OXR1: variants seen among roughly 807,000 people sequenced by gnomAD.
OXR1 encodes the protein oxidation resistance 1, also known as oxidation resistance protein 1.
In OXR1, 41 loss-of-function variants were observed where a neutral mutation model predicts 104.6. The ratio of observed to expected loss-of-function variants is 0.39; its 90% CI spans 0.31 to 0.51. The LOEUF (loss-of-function observed/expected upper bound fraction) is 0.51, where lower values mean the gene tolerates loss of function less well. Ranked by LOEUF, OXR1 falls within the 20% of genes least tolerant of loss-of-function variation. The probability of loss-of-function intolerance (pLI) is 0.77; values close to 1 mark genes in which losing one functional copy is unlikely to be tolerated. For synonymous variants in OXR1, 348 were observed against 348.4 expected (o/e 1.00, Z 0.01); for missense variants, 955 against 1,031.9 (o/e 0.93, Z 1.02).
intron 3 of OXR1, among the ~76,000 whole-genome samples, chr8:106,531,671 G>A (rs1048447708): frequency 1.7e-4 from 26 of 152,138 alleles, no homozygotes; most frequent in South Asian, 6.2e-4. Context: ...GATAGATTCC[G>A]TTTTGAAGTC....
At position 106,703,049 on chromosome 8, in the gene OXR1, C is replaced by T. The variant is rs754843877; in HGVS notation, c.819C>T (p.Tyr273=). 1.9e-6 allele frequency: 3 copies of T among 1,613,452 alleles called. No homozygotes were observed. Among genetic ancestry groups the T allele is most frequent in the Non-Finnish European group, 2.5e-6 (3 of 1,179,608 alleles). The part of the protein sequence containing the change: ...PMEEVMSAAM[Y]KEILDSKIKE... ...AAGAGGTGATGTCAGCTGCAATGTA[C>T]AAAGAAATTTTGGATAGCAAAATAA... Residue 273 remains tyrosine (Y), a synonymous_variant, in exon 8 of 17, where the codon TAC becomes TAT. Coordinates refer to ENST00000517566, the MANE Select transcript of OXR1 (RefSeq NM_001198533.2).
At chr8:106,509,757 C>G (rs1812398539) in intron 2 of OXR1, among the ~76,000 whole-genome samples, 1 of 152,068 alleles carries the variant, frequency 6.6e-6, no homozygotes, top group Non-Finnish European at 1.5e-5. Flanking sequence ...TTTCTTTTAT[C>G]TAAGCTCCAA....
intron 3 of OXR1, among the ~76,000 whole-genome samples, chr8:106,650,028 C>A (rs183584775): frequency 6.6e-6 from 1 of 152,236 alleles, no homozygotes; most frequent in African/African-American, 2.4e-5. Context: ...CACTAAATAA[C>A]AACATAATGA....
chr8:106,444,890 T>C (rs1819949185), intron 2 of OXR1, among the ~76,000 whole-genome samples: 1 of 152,230 alleles, frequency 6.6e-6, no homozygotes, highest in East Asian at 1.9e-4. Flanking sequence ...CACACACACA[T>C]ACCCCCCATA....
chr8:106,438,933 C>T (rs1262639134), intron 2 of OXR1, among the ~76,000 whole-genome samples: 1 of 152,034 alleles, frequency 6.6e-6, no homozygotes, highest in Non-Finnish European at 1.5e-5. Flanking sequence ...AGATGCATCC[C>T]CATTGCTGTT....
chr8:106,495,728 T>C (rs534637578), intron 2 of OXR1, among the ~76,000 whole-genome samples: 3 of 152,172 alleles, frequency 2.0e-5, no homozygotes, highest in Non-Finnish European at 2.9e-5. Context: ...ATTAATCCTT[T>C]CTGCACCACA....
chr8:106,289,563 A>T (rs1213827186), intron 1 of OXR1, among the ~76,000 whole-genome samples: 1 of 152,242 alleles, frequency 6.6e-6, no homozygotes, highest in African/African-American at 2.4e-5. Context: ...GGAAGAATCA[A>T]TTTCATTAAA....
intron 1 of OXR1, among the ~76,000 whole-genome samples, chr8:106,321,092 A>G (rs952510892): frequency 1.4e-4 from 22 of 152,214 alleles, no homozygotes; most frequent in Admixed American, 7.2e-4. Context: ...ACAAGAGCAA[A>G]TGTTTTTCAA....
rs546045880 is a variant in OXR1 at position 106,474,112 on chromosome 8, C to T, written c.24-44831C>T. ...CTTAGGACTGACAATATGTGGACTA[C>T]GTAATCTAAAGTTTTGTTTTTTTTT... On this transcript the variant is annotated intron_variant, in intron 2 of 16. Transcript: ENST00000517566. Among the ~76,000 whole-genome samples, 50 of 148,682 alleles carry T rather than the reference C, an allele frequency of 3.4e-4. No homozygotes were observed. The South Asian group carries it at 4.6e-3, about 14-fold the overall frequency.
At chr8:106,338,389 C>G (rs1243589528) in intron 1 of OXR1, among the ~76,000 whole-genome samples, 4 of 151,894 alleles carry the variant, frequency 2.6e-5, no homozygotes, top group African/African-American at 9.7e-5. Context: ...ATGGTGAAAC[C>G]TAGTCTCTAC....
At chr8:106,496,122 G>C (rs1811396379) in intron 2 of OXR1, among the ~76,000 whole-genome samples, 1 of 152,178 alleles carries the variant, frequency 6.6e-6, no homozygotes, top group South Asian at 2.1e-4. Flanking sequence ...AGAAGGGCTT[G>C]TACATCACTT....
At chr8:106,461,259 C>G (rs1820897895) in intron 2 of OXR1, among the ~76,000 whole-genome samples, 1 of 152,068 alleles carries the variant, frequency 6.6e-6, no homozygotes, top group African/African-American at 2.4e-5. Context: ...CTTAGATGTA[C>G]TTAAATATAA....
intron 1 of OXR1, among the ~76,000 whole-genome samples, chr8:106,348,618 A>G (rs991347327): frequency 6.6e-6 from 1 of 152,218 alleles, no homozygotes. Context: ...TTATAAAAAC[A>G]TTGATAAATA....
chr8:106,642,767 G>A (rs984869163), intron 3 of OXR1, among the ~76,000 whole-genome samples: 27 of 152,186 alleles, frequency 1.8e-4, no homozygotes, highest in African/African-American at 6.3e-4. Flanking sequence ...CGAATAGCCC[G>A]AATTTTTAAA....
At chr8:106,745,439 G>T (rs1233039292) in intron 15 of OXR1, among the ~76,000 whole-genome samples, 1 of 152,002 alleles carries the variant, frequency 6.6e-6, no homozygotes. Context: ...AAAAGTTAAT[G>T]GCATTTGTGT....
chr8:106,441,207 C>T (rs958181733), intron 2 of OXR1, among the ~76,000 whole-genome samples: 2 of 151,880 alleles, frequency 1.3e-5, no homozygotes, highest in African/African-American at 2.4e-5. Context: ...TCAGGTTTGT[C>T]GAAGATCAGA....
chr8:106,555,374 G>A (rs187299834), intron 3 of OXR1, among the ~76,000 whole-genome samples: 7 of 152,248 alleles, frequency 4.6e-5, no homozygotes, highest in Admixed American at 4.6e-4. Flanking sequence ...TCAATATTCA[G>A]GGAGGATAGT....
At chr8:106,546,199 G>C (rs545146304) in intron 3 of OXR1, among the ~76,000 whole-genome samples, 1 of 152,046 alleles carries the variant, frequency 6.6e-6, no homozygotes, top group South Asian at 2.1e-4. Flanking sequence ...GAGTCATTTC[G>C]TGCTTTACCC....
chr8:106,329,628 T>G (rs1242835053), intron 1 of OXR1, among the ~76,000 whole-genome samples: 1 of 152,226 alleles, frequency 6.6e-6, no homozygotes, highest in Non-Finnish European at 1.5e-5. Context: ...ATCACAGGCG[T>G]GAGCCACCGC....
Sources: allele counts gnomAD v4.1 joint callset (sites outside exome capture counted in the v4.1 genomes callset), GRCh38; gene constraint gnomAD v4.1.1; transcripts MANE v1.5; gene names NCBI Gene and HGNC (gene_info 2026-07-23, HGNC 2026-07-21).